PHF24: variants seen among roughly 807,000 people sequenced by gnomAD.
PHF24 encodes the protein Galpha inhibitory interacting protein.
In PHF24, 25 loss-of-function variants were observed where a neutral mutation model predicts 42.6. The ratio of observed to expected loss-of-function variants is 0.59; its 90% confidence interval spans 0.43 to 0.82. PHF24 has a LOEUF of 0.82. PHF24 is among the 40% of genes least tolerant of loss of function. PHF24 has a pLI of 0.00. For missense variants in PHF24, 470 were observed against 538.1 expected (o/e 0.87, Z 1.25); for synonymous variants, 185 against 204.8 (o/e 0.90, Z 0.83).
chr9:34,940,271 C>G, the PHF24 span, among the ~76,000 whole-genome samples: 4 of 152,182 alleles, frequency 2.6e-5, no homozygotes, highest in Middle Eastern at 6.8e-3. Context: ...AATTCTCCCT[C>G]CCAGATAAGC....
the PHF24 span, among the ~76,000 whole-genome samples, chr9:34,682,376 G>C: frequency 1.3e-5 from 2 of 152,042 alleles, no homozygotes; most frequent in Non-Finnish European, 2.9e-5. Flanking sequence ...ATTTTGTTAT[G>C]ACTACCTGAA....
At chr9:34,934,075 G>A in the PHF24 span, among the ~76,000 whole-genome samples, 3 of 152,022 alleles carry the variant, frequency 2.0e-5, no homozygotes, top group Non-Finnish European at 4.4e-5. Context: ...CCATCTTCAC[G>A]AGTTATTCTT....
At chr9:34,923,456 A>G in the PHF24 span, among the ~76,000 whole-genome samples, 1 of 151,900 alleles carries the variant, frequency 6.6e-6, no homozygotes. Flanking sequence ...CATTGGGTCC[A>G]GGGCTTTTCT....
chr9:34,910,167 C>G, the PHF24 span, among the ~76,000 whole-genome samples: 1 of 152,168 alleles, frequency 6.6e-6, no homozygotes, highest in Non-Finnish European at 1.5e-5. Context: ...AGCTTTCTCT[C>G]CTCTCCTTGA....
At chr9:34,951,320 C>G in the PHF24 span, among the ~76,000 whole-genome samples, 1 of 152,106 alleles carries the variant, frequency 6.6e-6, no homozygotes, top group Non-Finnish European at 1.5e-5. Flanking sequence ...TGTTATAGTA[C>G]AAGGGCACTA....
At chr9:34,811,848 G>A in the PHF24 span, among the ~76,000 whole-genome samples, 1 of 152,066 alleles carries the variant, frequency 6.6e-6, no homozygotes, top group Non-Finnish European at 1.5e-5. Flanking sequence ...TAAAGAAAGT[G>A]AAAAGACAGC....
the PHF24 span, chr9:34,724,754 A>G: frequency 1.3e-6 from 2 of 1,551,764 alleles, no homozygotes; most frequent in Admixed American, 2.0e-5. Flanking sequence ...TTCAAATGAA[A>G]CCATCTGAAT....
chr9:34,907,237 C>T, the PHF24 span, among the ~76,000 whole-genome samples: 5 of 152,186 alleles, frequency 3.3e-5, no homozygotes, highest in African/African-American at 7.2e-5. Context: ...TTTCCCTTAA[C>T]GTAGGCCTCC....
At chr9:34,847,509 A>G in the PHF24 span, among the ~76,000 whole-genome samples, 14 of 152,010 alleles carry the variant, frequency 9.2e-5, no homozygotes, top group South Asian at 2.1e-4. Flanking sequence ...GGCTGAGACA[A>G]TGGGGTTTTC....
the PHF24 span, among the ~76,000 whole-genome samples, chr9:34,706,489 G>A: frequency 6.6e-6 from 1 of 152,140 alleles, no homozygotes; most frequent in African/African-American, 2.4e-5. Context: ...TTTTTTAACT[G>A]TGAGTGTGTA....
At chr9:34,693,039 G>A in the PHF24 span, among the ~76,000 whole-genome samples, 1 of 152,272 alleles carries the variant, frequency 6.6e-6, no homozygotes, top group South Asian at 2.1e-4. Flanking sequence ...GACTTCAAAT[G>A]ATCTGCTTGC....
At chr9:34,671,739 T>C in the PHF24 span, among the ~76,000 whole-genome samples, 1 of 152,158 alleles carries the variant, frequency 6.6e-6, no homozygotes, top group Non-Finnish European at 1.5e-5. Flanking sequence ...TGTGGAGTGC[T>C]ATTCTGTTTC....
At chr9:34,964,257 A>G (rs768788003) in intron 1 of PHF24, among the ~76,000 whole-genome samples, 1 of 152,094 alleles carries the variant, frequency 6.6e-6, no homozygotes, top group Non-Finnish European at 1.5e-5. Context: ...AGCCTTTTAA[A>G]TAGCCTCCAT....
chr9:34,884,439 A>G, the PHF24 span, among the ~76,000 whole-genome samples: 3 of 152,224 alleles, frequency 2.0e-5, no homozygotes, highest in Non-Finnish European at 4.4e-5. Context: ...TTTTTGGACT[A>G]CTGTGTTCAT....
At chr9:34,897,832 T>G in the PHF24 span, among the ~76,000 whole-genome samples, 1 of 152,132 alleles carries the variant, frequency 6.6e-6, no homozygotes, top group Non-Finnish European at 1.5e-5. Context: ...CTCCTCCCAC[T>G]CCTCCCCTCA....
At chr9:34,979,361 G>A (rs902439462) in exon 8 of PHF24, 2 of 152,228 alleles carry the variant, frequency 1.3e-5, no homozygotes, top group Admixed American at 1.3e-4. Flanking sequence ...GCTTGGGCCT[G>A]GCATGGAAGG....
chr9:34,665,650 T>G, the PHF24 span: 1 of 694,224 alleles, frequency 1.4e-6, no homozygotes, highest in Non-Finnish European at 2.6e-6. Context: ...TATCTCCTCA[T>G]TCCCGACATG....
At chr9:34,787,492 T>C in the PHF24 span, among the ~76,000 whole-genome samples, 1 of 152,136 alleles carries the variant, frequency 6.6e-6, no homozygotes, top group Non-Finnish European at 1.5e-5. Flanking sequence ...CTATAGAACA[T>C]AAAATTAACT....
chr9:34,764,678 T>A, the PHF24 span, among the ~76,000 whole-genome samples: 1 of 151,924 alleles, frequency 6.6e-6, no homozygotes, highest in Non-Finnish European at 1.5e-5. Flanking sequence ...TTTTGAAGGG[T>A]TTTTTGTGTC....
Sources: allele counts gnomAD v4.1 joint callset (sites outside exome capture counted in the v4.1 genomes callset), GRCh38; gene constraint gnomAD v4.1.1; transcripts MANE v1.5; gene names NCBI Gene and HGNC (gene_info 2026-07-23, HGNC 2026-07-21).